TMPRSS7: variants seen among roughly 807,000 people sequenced by gnomAD.
The protein encoded by TMPRSS7 is transmembrane protease serine 7.
TMPRSS7 carries 81 observed loss-of-function variants against 95.6 expected under a neutral mutation model. That is an observed-to-expected ratio of 0.85 (90% confidence interval 0.71 to 1.02). The LOEUF (loss-of-function observed/expected upper bound fraction) is 1.02, where lower values mean the gene tolerates loss of function less well. Ranked by LOEUF, TMPRSS7 falls within the 50% of genes least tolerant of loss-of-function variation. The pLI, the probability that TMPRSS7 is intolerant of heterozygous loss-of-function variation, is 0.00. For missense variants in TMPRSS7, 945 were observed against 955.2 expected (o/e 0.99, Z 0.14); for synonymous variants, 364 against 337.8 (o/e 1.08, Z -0.85).
chr3:112,068,902 GTTTTCAAAGGGAATGCTTCCAAT>G (rs1195075792), intron 13 of TMPRSS7, among the ~76,000 whole-genome samples: 2 of 152,148 alleles, frequency 1.3e-5, no homozygotes, highest in Non-Finnish European at 2.9e-5. Context: ...TCTTGGGCCA[GTTTTCAAAGGGAATGCTTCCAAT>G]TTTTGCCCAT....
intron 16 of TMPRSS7, 74 bp from the exon 17 acceptor site, chr3:112,078,668 A>G (rs2073741201): frequency 5.7e-6 from 9 of 1,584,078 alleles, no homozygotes; most frequent in Non-Finnish European, 7.8e-6. Flanking sequence ...ATGTGTGTTA[A>G]CTTTTCAAAT....
intron 3 of TMPRSS7, 102 bp downstream of exon 3, chr3:112,042,152 A>C (rs1041561297): frequency 1.9e-5 from 16 of 852,696 alleles, no homozygotes; most frequent in Middle Eastern, 5.5e-4. Context: ...AGCAGGGTTT[A>C]GGGAAGTAGA....
exon 16 of TMPRSS7, chr3:112,077,005 T>C: frequency 6.2e-7 from 1 of 1,614,204 alleles, no homozygotes; most frequent in South Asian, 1.1e-5. Flanking sequence ...ATTATGATAT[T>C]GCTTTGCTAC....
At chr3:112,069,938 C>T (rs1167459546) in intron 13 of TMPRSS7, among the ~76,000 whole-genome samples, 5 of 152,136 alleles carry the variant, frequency 3.3e-5, no homozygotes. Context: ...GATTTTAGAT[C>T]TTTCCTGCTT....
chr3:112,073,744 T>C (rs73856335), intron 13 of TMPRSS7, among the ~76,000 whole-genome samples: 4,563 of 152,260 alleles, frequency 0.03, 192 homozygotes, highest in African/African-American at 0.088. Context: ...TCTTATTGCT[T>C]ACTTGCTTTT....
intron 13 of TMPRSS7, among the ~76,000 whole-genome samples, chr3:112,073,745 A>G (rs2073680026): frequency 6.6e-6 from 1 of 152,138 alleles, no homozygotes; most frequent in African/African-American, 2.4e-5. Context: ...CTTATTGCTT[A>G]CTTGCTTTTA....
intron 7 of TMPRSS7, 91 bp from the exon 8 acceptor site, chr3:112,049,753 G>A (rs114815335): frequency 0.037 from 40,789 of 1,106,138 alleles, 936 homozygotes; most frequent in South Asian, 0.047. Context: ...TGAATGGATG[G>A]CCCAGGAAAT....
chr3:112,061,856 C>G, exon 11 of TMPRSS7: 1 of 1,612,778 alleles, frequency 6.2e-7, no homozygotes, highest in Non-Finnish European at 8.5e-7. Flanking sequence ...ACATTCAGCT[C>G]CAGTGCAGTT....
chr3:112,073,606 T>C (rs2073678588), intron 13 of TMPRSS7, among the ~76,000 whole-genome samples: 1 of 152,186 alleles, frequency 6.6e-6, no homozygotes, highest in African/African-American at 2.4e-5. Context: ...TTCTTGTAAA[T>C]TTGTTTGAGT....
intron 13 of TMPRSS7, 46 bp from the exon 14 acceptor site, chr3:112,074,250 T>C (rs1313732355): frequency 2.9e-6 from 4 of 1,374,998 alleles, no homozygotes; most frequent in Non-Finnish European, 4.1e-6. Flanking sequence ...TCACTCAAGT[T>C]TGTTTCTGGC....
At chr3:112,050,876 G>T in intron 9 of TMPRSS7, 93 bp downstream of exon 9, 1 of 615,094 alleles carries the variant, frequency 1.6e-6, no homozygotes, top group Admixed American at 3.0e-5. Context: ...AAAGAATATT[G>T]CTTAATTTTA....
chr3:112,037,773 G>A (rs1054917112), intron 1 of TMPRSS7, among the ~76,000 whole-genome samples: 22 of 152,014 alleles, frequency 1.4e-4, no homozygotes, highest in African/African-American at 3.1e-4. Context: ...CAGACCGGCC[G>A]ACACTTAGGG....
chr3:112,049,874 A>T, exon 8 of TMPRSS7: 1 of 1,547,312 alleles, frequency 6.5e-7, no homozygotes, highest in Non-Finnish European at 8.8e-7. Context: ...CATTAATGTC[A>T]TTTGTTTCTA....
chr3:112,049,417 T>A lies in TMPRSS7; in HGVS notation c.960-427T>A, dbSNP rs374331013. 1.2e-4 allele frequency among the ~76,000 whole-genome samples: 18 copies of A among 152,342 alleles called. 1 individual carries two copies. The East Asian group carries it at 3.5e-3, about 29-fold the overall frequency. On this transcript the variant is annotated intron_variant, in intron 7 of 17. Coordinates refer to ENST00000452346, the Ensembl canonical transcript of TMPRSS7. The stretch of plus-strand genomic sequence containing the variant: ...GGACCTGGACAACACACATGGCCTT[T>A]TTTTCTGGTAACACTACCATTGCGT...
At chr3:112,039,360 G>C (rs2218325) in intron 2 of TMPRSS7, among the ~76,000 whole-genome samples, 33,153 of 152,168 alleles carry the variant, frequency 0.22, 4,534 homozygotes, top group Middle Eastern at 0.33. Context: ...GCATCTTTTG[G>C]TTTATATACA....
chr3:112,054,463 A>C (rs774771), intron 9 of TMPRSS7, among the ~76,000 whole-genome samples: 152,333 of 152,334 alleles, frequency 1, 76,166 homozygotes, highest in Non-Finnish European at 1. Flanking sequence ...ATAAGTAATG[A>C]CTTTTGGCCA....
intron 3 of TMPRSS7, among the ~76,000 whole-genome samples, chr3:112,043,722 G>C (rs1336917805): frequency 6.6e-6 from 1 of 152,166 alleles, no homozygotes; most frequent in Non-Finnish European, 1.5e-5. Context: ...TTGAAACAGA[G>C]CTCTCCCTTG....
chr3:112,074,146 C>T (rs929355884), intron 13 of TMPRSS7, 150 bp from the exon 14 acceptor site: 1 of 575,164 alleles, frequency 1.7e-6, no homozygotes, highest in African/African-American at 1.9e-5. Flanking sequence ...GAGGTTGCTT[C>T]TCTTCTCTCT....
rs778769497 is a variant in TMPRSS7 at position 112,073,020 on chromosome 3, A to G, written c.1667-1276A>G. On this transcript the variant is annotated intron_variant, in intron 13 of 17. Coordinates refer to ENST00000452346, the Ensembl canonical transcript of TMPRSS7. Reference sequence around the variant, plus strand: ...TCTTGCACAATGGTTGAACTAATTTACACTCCCGCCAACAGTGTAAAAGTG... The same window carrying G: ...TCTTGCACAATGGTTGAACTAATTTGCACTCCCGCCAACAGTGTAAAAGTG... 6.2e-4 allele frequency among the ~76,000 whole-genome samples: 94 copies of G among 151,420 alleles called. 1 individual carries two copies. Among genetic ancestry groups the G allele is most frequent in the South Asian group, 1.9e-3 (9 of 4,782 alleles).
Sources: allele counts gnomAD v4.1 joint callset (sites outside exome capture counted in the v4.1 genomes callset), GRCh38; gene constraint gnomAD v4.1.1; transcripts MANE v1.5; gene names NCBI Gene and HGNC (gene_info 2026-07-23, HGNC 2026-07-21).